The following DLG2 variants were observed in gnomAD, a reference collection of about 807,000 sequenced individuals.
The protein encoded by DLG2 is discs large MAGUK scaffold protein 2.
DLG2 carries 45 observed loss-of-function variants against 132.5 expected under a neutral mutation model. The ratio of observed to expected loss-of-function variants is 0.34; its 90% CI spans 0.27 to 0.44. DLG2 has a LOEUF of 0.44. DLG2 is among the 20% of genes least tolerant of loss of function. DLG2 has a pLI of 1.00. For synonymous variants in DLG2, 424 were observed against 419.6 expected (o/e 1.01, Z -0.13); for missense variants, 1,045 against 1,196.9 (o/e 0.87, Z 1.87).
chr11:84,502,412 T>C (rs11234050), intron 7 of DLG2, among the ~76,000 whole-genome samples: 5,827 of 115,210 alleles, frequency 0.051, 263 homozygotes, highest in African/African-American at 0.083. Context: ...CTTTCTTTCT[T>C]TCTATACAGA....
At chr11:85,448,672 T>C (rs1171107553) in intron 3 of DLG2, among the ~76,000 whole-genome samples, 1 of 152,188 alleles carries the variant, frequency 6.6e-6, no homozygotes, top group Non-Finnish European at 1.5e-5. Flanking sequence ...TAAGTCACTT[T>C]GACACAGAGA....
chr11:84,048,816 T>C (rs1250138673), intron 11 of DLG2, among the ~76,000 whole-genome samples: 4 of 151,310 alleles, frequency 2.6e-5, no homozygotes, highest in South Asian at 4.2e-4. Context: ...GGTTACAAGA[T>C]AGAAAATCCA....
intron 3 of DLG2, among the ~76,000 whole-genome samples, chr11:85,587,530 T>C (rs763317121): frequency 2.0e-5 from 3 of 152,186 alleles, no homozygotes; most frequent in Non-Finnish European, 2.9e-5. Flanking sequence ...CCTGCTCACT[T>C]TTGGTTTCCA....
intron 3 of DLG2, chr11:85,335,991 T>C (rs1196284559): frequency 6.6e-6 from 1 of 152,210 alleles, no homozygotes; most frequent in Non-Finnish European, 1.5e-5. Context: ...ACATGCTGAA[T>C]ATAGGCCTCC....
intron 18 of DLG2, among the ~76,000 whole-genome samples, chr11:83,672,298 C>T (rs965986523): frequency 7.2e-5 from 11 of 152,076 alleles, no homozygotes; most frequent in Non-Finnish European, 1.0e-4. Flanking sequence ...GATTCTCCTG[C>T]CTCAGCCTCC....
chr11:83,510,618 G>T (rs910036516), intron 21 of DLG2, among the ~76,000 whole-genome samples: 3 of 152,040 alleles, frequency 2.0e-5, no homozygotes, highest in African/African-American at 7.3e-5. Flanking sequence ...AGAGTGGAAG[G>T]GTGGGATGAG....
At position 83,462,088 on chromosome 11, in the gene DLG2, A is replaced by G. The variant is rs1209581467; in HGVS notation, c.2735T>C (p.Met912Thr). Residue 912 changes from methionine (M) to threonine (T), a missense_variant, in exon 27 of 28, where the codon ATG (methionine) becomes ACG (threonine). Met to Thr is a moderately conservative substitution (Grantham distance 81). Coordinates refer to ENST00000376104, the MANE Select transcript of DLG2 (RefSeq NM_001142699.3). ...TTGTTCCTCTGTTAGACGCTTATTCATCTCCCTGGGAAAATGAGGGTTTGT... is the reference window on the plus strand; with the variant it reads ...TTGTTCCTCTGTTAGACGCTTATTCGTCTCCCTGGGAAAATGAGGGTTTGT... ...KPRSLEPLME[M>T]NKRLTEEQAK... 5 of 1,606,716 alleles carry G rather than the reference A, an allele frequency of 3.1e-6. No homozygotes were observed. The highest frequency in any genetic ancestry group is 1.1e-5 in the South Asian group (1 of 90,884).
chr11:83,586,146 T>C (rs888582563), intron 19 of DLG2, among the ~76,000 whole-genome samples: 1 of 152,198 alleles, frequency 6.6e-6, no homozygotes, highest in African/African-American at 2.4e-5. Flanking sequence ...TCTGGATGGA[T>C]GCAAGCCCTC....
At chr11:84,188,705 T>A (rs1175115709) in intron 8 of DLG2, among the ~76,000 whole-genome samples, 1 of 152,102 alleles carries the variant, frequency 6.6e-6, no homozygotes, top group East Asian at 1.9e-4. Flanking sequence ...TCTCTTTTGC[T>A]CCTCCCACTT....
intron 6 of DLG2, among the ~76,000 whole-genome samples, chr11:84,771,258 T>C (rs113132951): frequency 1.1e-4 from 16 of 152,220 alleles, no homozygotes; most frequent in African/African-American, 3.9e-4. Flanking sequence ...TGTTCCCTTT[T>C]CTCTACAACC....
At chr11:84,901,833 A>G (rs1333664841) in intron 6 of DLG2, among the ~76,000 whole-genome samples, 1 of 152,042 alleles carries the variant, frequency 6.6e-6, no homozygotes, top group Non-Finnish European at 1.5e-5. Flanking sequence ...TTGAATCCAA[A>G]TTCTATAGCC....
chr11:85,060,458 T>C, intron 6 of DLG2, among the ~76,000 whole-genome samples: 1 of 144,984 alleles, frequency 6.9e-6, no homozygotes, highest in South Asian at 2.1e-4. Context: ...TATGCATATG[T>C]GTGTGTGTGT....
rs949158072 is a variant in DLG2 at position 84,136,299 on chromosome 11, C to T, written c.624+27162G>A. ...TCAAAATAGTAGGGATGAATTCTGA[C>T]CCTACCATTTAATAAAAATGTGATT... is the stretch of plus-strand genomic sequence containing the variant. On this transcript the variant is annotated intron_variant, in intron 9 of 27. Coordinates refer to ENST00000376104, the MANE Select transcript of DLG2 (RefSeq NM_001142699.3). Among the ~76,000 whole-genome samples the T allele has an allele frequency of 3.9e-5, 6 of 152,010 alleles. 1 individual carries two copies. The highest frequency in any genetic ancestry group is 3.9e-4 in the Admixed American group (6 of 15,248).
intron 3 of DLG2, among the ~76,000 whole-genome samples, chr11:85,324,920 G>A (rs367849004): frequency 3.4e-5 from 5 of 147,832 alleles, no homozygotes; most frequent in East Asian, 4.0e-4. Context: ...TGTGCGCACC[G>A]TGCGCGAGCC....
intron 9 of DLG2, 118 bp downstream of exon 9, chr11:84,163,343 T>C: frequency 1.1e-6 from 1 of 870,338 alleles, no homozygotes; most frequent in Non-Finnish European, 1.7e-6. Context: ...GTGAGTCCTG[T>C]GGGAAACTTC....
At chr11:83,578,744 G>C (rs997276685) in intron 19 of DLG2, among the ~76,000 whole-genome samples, 5 of 152,064 alleles carry the variant, frequency 3.3e-5, no homozygotes, top group African/African-American at 1.2e-4. Context: ...CAAAATACAT[G>C]AAACAAAAAT....
chr11:83,907,160 G>A (rs921807369), intron 15 of DLG2, among the ~76,000 whole-genome samples: 3 of 151,978 alleles, frequency 2.0e-5, no homozygotes, highest in Non-Finnish European at 4.4e-5. Context: ...AGAAATGAGA[G>A]AACATTTAAT....
intron 6 of DLG2, among the ~76,000 whole-genome samples, chr11:85,077,606 G>A (rs946465115): frequency 1.9e-4 from 29 of 151,380 alleles, no homozygotes; most frequent in Admixed American, 6.6e-4. Context: ...AAATCTATAG[G>A]TTAAAAATAC....
intron 6 of DLG2, among the ~76,000 whole-genome samples, chr11:85,016,069 G>C (rs1385074766): frequency 6.6e-6 from 1 of 151,762 alleles, no homozygotes; most frequent in African/African-American, 2.4e-5. Flanking sequence ...AAAAACTATA[G>C]GTAAAAACGT....
Sources: allele counts gnomAD v4.1 joint callset (sites outside exome capture counted in the v4.1 genomes callset), GRCh38; gene constraint gnomAD v4.1.1; transcripts MANE v1.5; gene names NCBI Gene and HGNC (gene_info 2026-07-23, HGNC 2026-07-21).